The following LRGUK variants were observed in gnomAD, a reference collection of about 807,000 sequenced individuals.
The protein encoded by LRGUK is leucine-rich repeat and guanylate kinase domain-containing protein.
LRGUK carries 65 observed loss-of-function variants against 76.0 expected under a neutral mutation model. The observed-to-expected ratio is 0.85, with a 90% CI of 0.70 to 1.05. The LOEUF is 1.05. Ranked by LOEUF, LRGUK falls within the 50% of genes least tolerant of loss-of-function variation. The probability of loss-of-function intolerance (pLI) is 0.00; values close to 1 mark genes in which losing one functional copy is unlikely to be tolerated. For missense variants in LRGUK, 758 were observed against 732.8 expected, an observed-to-expected ratio of 1.03 and a Z score of -0.40; for synonymous variants, 268 against 265.6, an observed-to-expected ratio of 1.01 and a Z score of -0.09.
intron 4 of LRGUK, among the ~76,000 whole-genome samples, chr7:134,143,777 G>A (rs976697896): frequency 1.3e-5 from 2 of 152,188 alleles, no homozygotes; most frequent in Non-Finnish European, 2.9e-5. Flanking sequence ...GGAATAGTTT[G>A]CTATGCCCTA....
chr7:134,205,962 C>A (rs1800984952), intron 15 of LRGUK, among the ~76,000 whole-genome samples: 1 of 152,154 alleles, frequency 6.6e-6, no homozygotes, highest in Non-Finnish European at 1.5e-5. Flanking sequence ...ATAACTTGAT[C>A]TTTTGTAATT....
At chr7:134,137,105 A>T (rs1486799143) in exon 2 of LRGUK, 8 of 1,612,346 alleles carry the variant, frequency 5.0e-6, no homozygotes. Context: ...GGGACTGAGC[A>T]AGTCTACCTC....
intron 12 of LRGUK, among the ~76,000 whole-genome samples, chr7:134,194,839 A>G (rs1213281117): frequency 6.6e-6 from 1 of 152,162 alleles, no homozygotes; most frequent in Non-Finnish European, 1.5e-5. Context: ...AGGAAATCCT[A>G]ATGGGTTCAC....
downstream of LRGUK, among the ~76,000 whole-genome samples, chr7:134,214,885 G>T (rs1282144791): frequency 2.0e-5 from 3 of 151,972 alleles, no homozygotes. Context: ...AACTTTCTAA[G>T]AGTTAGAGGT....
intron 1 of LRGUK, among the ~76,000 whole-genome samples, chr7:134,129,287 CTCTG>C (rs1797178561): frequency 2.2e-5 from 3 of 134,646 alleles, no homozygotes; most frequent in Non-Finnish European, 4.8e-5. Flanking sequence ...CCTCCCTCCA[CTCTG>C]TCTCTCTTTC....
chr7:134,269,237 T>C (rs370406242), downstream of LRGUK, among the ~76,000 whole-genome samples: 4 of 152,260 alleles, frequency 2.6e-5, no homozygotes, highest in East Asian at 7.7e-4. Flanking sequence ...TTTAGAAGTG[T>C]GTTGTTTCAT....
At chr7:134,173,300 T>C (rs1799337935) in intron 7 of LRGUK, among the ~76,000 whole-genome samples, 1 of 152,228 alleles carries the variant, frequency 6.6e-6, no homozygotes, top group African/African-American at 2.4e-5. Flanking sequence ...GTGCATATGT[T>C]TGTCCTCTGA....
At chr7:134,199,448 T>C (rs1397109067) in intron 14 of LRGUK, 27 bp downstream of exon 14, 4 of 1,580,926 alleles carry the variant, frequency 2.5e-6, no homozygotes, top group Non-Finnish European at 3.5e-6. Context: ...AAAGTTTTGT[T>C]TTTGAAATGT....
At chr7:134,165,852 T>C (rs897618769) in intron 7 of LRGUK, among the ~76,000 whole-genome samples, 1 of 152,196 alleles carries the variant, frequency 6.6e-6, no homozygotes, top group Non-Finnish European at 1.5e-5. Context: ...GCTTTTCAAA[T>C]TGTATTTGAC....
chr7:134,185,598 A>G lies in LRGUK; in HGVS notation c.1334+1745A>G, dbSNP rs565955864. Among the ~76,000 whole-genome samples the G allele has an allele frequency of 3.9e-5, 6 of 152,146 alleles. No individual in the cohort carries two copies. In the South Asian group the frequency reaches 1.3e-3, roughly 32 times the overall value. ...TTTAGAATTGTCTGTCATCTCTTAA[A>G]CTGGTTTCCTCTTGTACTTTTTGTG... On this transcript the variant is annotated intron_variant, in intron 11 of 15. Coordinates refer to ENST00000645682, the Ensembl canonical transcript of LRGUK.
intron 13 of LRGUK, among the ~76,000 whole-genome samples, chr7:134,197,523 CT>C (rs1429151941): frequency 6.6e-6 from 1 of 152,192 alleles, no homozygotes; most frequent in African/African-American, 2.4e-5. Flanking sequence ...AAGCCTGATT[CT>C]TAGAGTGTGG....
At chr7:134,226,410 T>C (rs956943006) in intron 16 of LRGUK, among the ~76,000 whole-genome samples, 14 of 152,164 alleles carry the variant, frequency 9.2e-5, no homozygotes, top group African/African-American at 3.4e-4. Flanking sequence ...TCTCTTCCCT[T>C]GGCCATCGCA....
exon 11 of LRGUK, chr7:134,183,851 T>C: frequency 6.2e-7 from 1 of 1,613,788 alleles, no homozygotes; most frequent in Middle Eastern, 1.7e-4. Context: ...ACTTCAGATA[T>C]GGGTAAGTTT....
chr7:134,157,657 G>C (rs1798539410), intron 5 of LRGUK, among the ~76,000 whole-genome samples: 1 of 152,104 alleles, frequency 6.6e-6, no homozygotes, highest in African/African-American at 2.4e-5. Context: ...CGAGTAGCTG[G>C]GACTACAGGC....
At chr7:134,128,942 A>G (rs1797153796) in intron 1 of LRGUK, among the ~76,000 whole-genome samples, 3 of 152,310 alleles carry the variant, frequency 2.0e-5, no homozygotes, top group South Asian at 2.1e-4. Flanking sequence ...CTTAATTTCA[A>G]AGTTTTCTTT....
intron 6 of LRGUK, among the ~76,000 whole-genome samples, chr7:134,159,336 CAAA>C (rs35701399): frequency 1.7e-4 from 14 of 81,444 alleles, no homozygotes; most frequent in Non-Finnish European, 2.3e-4. Flanking sequence ...GACCCTGCCT[CAAA>C]AAAAAAAAAA....
intron 16 of LRGUK, among the ~76,000 whole-genome samples, chr7:134,235,359 T>A (rs1283301249): frequency 1.3e-5 from 2 of 151,940 alleles, no homozygotes; most frequent in African/African-American, 4.8e-5. Flanking sequence ...TAACTGTTTC[T>A]TCTTTCTGGA....
At chr7:134,240,095 G>A (rs748314485) in intron 16 of LRGUK, among the ~76,000 whole-genome samples, 1 of 152,198 alleles carries the variant, frequency 6.6e-6, no homozygotes, top group Non-Finnish European at 1.5e-5. Flanking sequence ...CACAAAGATG[G>A]GGAGAAACCA....
chr7:134,208,023 A>C (rs573017305), intron 15 of LRGUK, among the ~76,000 whole-genome samples: 1 of 152,200 alleles, frequency 6.6e-6, no homozygotes, highest in African/African-American at 2.4e-5. Context: ...TCTGAGAGCC[A>C]TTTTTGAAGG....
Sources: allele counts gnomAD v4.1 joint callset (sites outside exome capture counted in the v4.1 genomes callset), GRCh38; gene constraint gnomAD v4.1.1; transcripts MANE v1.5; gene names NCBI Gene and HGNC (gene_info 2026-07-23, HGNC 2026-07-21).